The following PEX1 variants were observed in gnomAD, a reference collection of about 807,000 sequenced individuals.
PEX1 encodes the protein peroxisomal ATPase PEX1.
Under a neutral mutation model 152.5 loss-of-function variants are expected in PEX1, and 97 were observed. That is an observed-to-expected ratio of 0.64 (90% CI 0.54 to 0.75). The LOEUF (loss-of-function observed/expected upper bound fraction) is 0.75, where lower values mean the gene tolerates loss of function less well. Among genes scored for constraint, PEX1 ranks in the 30% least tolerant of loss-of-function variants. The probability of loss-of-function intolerance (pLI) is 0.00; values close to 1 mark genes in which losing one functional copy is unlikely to be tolerated. For missense variants in PEX1, 1,357 were observed against 1,516.3 expected (o/e 0.89, Z 1.74); for synonymous variants, 485 against 531.6 (o/e 0.91, Z 1.21).
In PEX1 at chr7:92,521,890, G is replaced by C. The variant is rs558825921; in HGVS notation, c.273+212C>G. 2.0e-5 allele frequency among the ~76,000 whole-genome samples: 3 copies of C among 152,204 alleles called. No homozygotes were observed. The South Asian group carries it at 6.2e-4, about 32-fold the overall frequency. On this transcript the variant is annotated intron_variant, in intron 2 of 23. Coordinates refer to ENST00000248633, the MANE Select transcript of PEX1 (RefSeq NM_000466.3). ...GATGTGGAAAATGAGTTAAATAGTAGAATAAGAAGCAAGTAGGGAGTATGG... is the reference window on the plus strand; with the variant it reads ...GATGTGGAAAATGAGTTAAATAGTACAATAAGAAGCAAGTAGGGAGTATGG...
chr7:92,508,704 T>G (rs762602799), intron 9 of PEX1, among the ~76,000 whole-genome samples: 1 of 152,046 alleles, frequency 6.6e-6, no homozygotes, highest in Non-Finnish European at 1.5e-5. Flanking sequence ...TTCTAAGAGG[T>G]AGTGTTTATA....
Position 92,517,999 on chromosome 7 carries a change from G to A in PEX1, c.516C>T (p.Asp172=), listed in dbSNP as rs776426017. 2.5e-6 allele frequency: 4 copies of A among 1,613,842 alleles called. No individual in the cohort carries two copies. The highest frequency in any genetic ancestry group is 8.5e-7 in the Non-Finnish European group (1 of 1,179,982). The change falls in exon 5 of 24, where the codon GAC becomes GAT. Residue 172 remains aspartate (D), a synonymous_variant. Transcript: ENST00000248633. ...PAASYGRLET[D]TKLLIQPKTR... is the part of the protein sequence containing the mutation. ...TCTTTGGCTGAATAAGGAGTTTGGT[G>A]TCAGTTTCCAGCCTTCCATAAGAGG...
chr7:92,497,709 A>G (rs1297378592), intron 16 of PEX1, among the ~76,000 whole-genome samples: 1 of 151,704 alleles, frequency 6.6e-6, no homozygotes, highest in Non-Finnish European at 1.5e-5. Flanking sequence ...CTATTAACAT[A>G]ATAATATTTA....
rs186328689 is a variant in PEX1, at chr7:92,527,987, A to T, written c.129+320T>A. On this transcript the variant is annotated intron_variant, in intron 1 of 23. Transcript: ENST00000248633. ...ATGGCTGGCAAGGAAAACACCTTTT[A>T]AAATAATAAAAACAAACCACTTCTC... Among the ~76,000 whole-genome samples the T allele has an allele frequency of 1.5e-3, 223 of 152,386 alleles. 1 individual carries two copies. Among genetic ancestry groups the T allele is most frequent in the African/African-American group, 5.0e-3 (208 of 41,598 alleles).
chr7:92,517,342 A>C lies in PEX1; in HGVS notation c.1173T>G (p.Leu391=). The C allele has an allele frequency of 1.2e-6, 2 of 1,613,704 alleles. No individual in the cohort carries two copies. Among genetic ancestry groups the C allele is most frequent in the Non-Finnish European group, 1.7e-6 (2 of 1,179,732 alleles). Residue 391 remains leucine (L), a synonymous_variant, in exon 5 of 24, where the codon CTT becomes CTG. Coordinates refer to ENST00000248633, the MANE Select transcript of PEX1 (RefSeq NM_000466.3). Reference sequence around the variant, plus strand: ...ATTTGATGGCATTGTTCAATTCTTCAAGTCCATTCCAGACTACTTGTAGCA... The same window carrying C: ...ATTTGATGGCATTGTTCAATTCTTCCAGTCCATTCCAGACTACTTGTAGCA... ...ACVLQVVWNG[L]EELNNAIKYT...
intron 23 of PEX1, 73 bp from the exon 24 acceptor site, chr7:92,487,614 C>A: frequency 4.7e-6 from 3 of 644,794 alleles, no homozygotes; most frequent in South Asian, 2.2e-5. Context: ...GGATTGTTGG[C>A]AAACACAATT....
intron 17 of PEX1, among the ~76,000 whole-genome samples, chr7:92,495,647 C>T (rs971272509): frequency 6.6e-6 from 1 of 151,972 alleles, no homozygotes; most frequent in East Asian, 1.9e-4. Context: ...ATATCTTTAG[C>T]GATGTTTCCC....
intron 5 of PEX1, among the ~76,000 whole-genome samples, chr7:92,514,445 G>A (rs1792627646): frequency 6.6e-6 from 1 of 152,090 alleles, no homozygotes; most frequent in Non-Finnish European, 1.5e-5. Flanking sequence ...TTAAATGTAT[G>A]TATTTGACTG....
Position 92,528,439 on chromosome 7 carries a change from C to A in PEX1, c.-4G>T. ...CCAGGCGATCGCTGCCCCACATCGT[C>A]CCGGAGCGTCGCTCTGGGTTCGCCC... is the stretch of plus-strand genomic sequence containing the variant. On this transcript the variant is annotated 5_prime_UTR_variant, in exon 1 of 24. Transcript: ENST00000248633. 6.3e-7 allele frequency: 1 copy of A among 1,582,072 alleles called. No homozygotes were observed. Among genetic ancestry groups the A allele is most frequent in the Non-Finnish European group, 8.6e-7 (1 of 1,165,790 alleles).
At chr7:92,508,669 C>G (rs1257237537) in intron 9 of PEX1, among the ~76,000 whole-genome samples, 1 of 152,144 alleles carries the variant, frequency 6.6e-6, no homozygotes, top group Non-Finnish European at 1.5e-5. Context: ...CCTACTACTA[C>G]ATCTACCAAA....
intron 1 of PEX1, 50 bp from the exon 2 acceptor site, chr7:92,522,295 T>G: frequency 6.4e-7 from 1 of 1,556,860 alleles, no homozygotes; most frequent in Non-Finnish European, 8.8e-7. Flanking sequence ...TACATTTTTC[T>G]GGATTCACAT....
In PEX1 at chr7:92,496,895, A is replaced by G. The variant is rs1791679114; in HGVS notation, c.2719-118T>C. 3 of 719,516 alleles carry G rather than the reference A, an allele frequency of 4.2e-6. No individual in the cohort carries two copies. The Admixed American group carries it at 6.3e-5, about 15-fold the overall frequency. 44.6% of individuals were successfully genotyped at this position (719,516 alleles called of 1,614,324 possible). ...TAATATGATTAAATGGATGTCTTTT[A>G]TACATTTTTAAAATTAATGTGTGCT... is the stretch of plus-strand genomic sequence containing the variant. On this transcript the variant is annotated intron_variant, in intron 16 of 23. Coordinates refer to ENST00000248633, the MANE Select transcript of PEX1 (RefSeq NM_000466.3).
chr7:92,501,532 A>G lies in PEX1; in HGVS notation c.2558T>C (p.Met853Thr), dbSNP rs143283146. The G allele has an allele frequency of 2.1e-4, 345 of 1,613,756 alleles. 1 individual carries two copies. Among genetic ancestry groups the G allele is most frequent in the Non-Finnish European group, 2.8e-4 (334 of 1,179,818 alleles). The change falls in exon 15 of 24, where the codon ATG (methionine) becomes ACG (threonine). Residue 853 changes from methionine to threonine, a missense_variant. Coordinates refer to ENST00000248633, the MANE Select transcript of PEX1 (RefSeq NM_000466.3). Reference sequence around the variant, plus strand: ...CTTGGCAGGTAACTGGATAGTATCCATGAGTATCTGCCTAACTTCATGTAA... The same window carrying G: ...CTTGGCAGGTAACTGGATAGTATCCGTGAGTATCTGCCTAACTTCATGTAA... ...GGLHEVRQILMDTIQLPAKYP... is the reference protein window; with the variant it reads ...GGLHEVRQILTDTIQLPAKYP...
intron 21 of PEX1, 56 bp from the exon 22 acceptor site, chr7:92,489,967 T>A: frequency 1.5e-6 from 2 of 1,299,126 alleles, no homozygotes; most frequent in Non-Finnish European, 2.2e-6. Context: ...GAGAAAAAAC[T>A]ATGTGTTTAC....
chr7:92,506,029 T>C (rs1347743911), intron 11 of PEX1, among the ~76,000 whole-genome samples: 1 of 151,928 alleles, frequency 6.6e-6, no homozygotes, highest in African/African-American at 2.4e-5. Context: ...CTACAAAAAG[T>C]TCTGGCTAGA....
chr7:92,517,561 G>T lies in PEX1; in HGVS notation c.954C>A (p.Asp318Glu). 6.2e-7 allele frequency: 1 copy of T among 1,613,980 alleles called. No individual in the cohort carries two copies. The highest frequency in any genetic ancestry group is 8.5e-7 in the Non-Finnish European group (1 of 1,179,996). Residue 318 changes from aspartate (D) to glutamate (E), a missense_variant, in exon 5 of 24, where the codon GAC becomes GAA. By Grantham distance (45) the Asp-to-Glu change is conservative. Transcript: ENST00000248633. Reference sequence around the variant, plus strand: ...TGGGCTCTACATCAAAATATTCCTGGTCCCATGGAAATACATGAATGGCAC... The same window carrying T: ...TGGGCTCTACATCAAAATATTCCTGTTCCCATGGAAATACATGAATGGCAC... ...KHCAIHVFPW[D>E]QEYFDVEPSF...
At position 92,488,595 on chromosome 7, in the gene PEX1, C is replaced by A. The variant is rs1490742617; in HGVS notation, c.3767+698G>T. 2.6e-5 allele frequency among the ~76,000 whole-genome samples: 4 copies of A among 152,004 alleles called. No individual in the cohort carries two copies. The South Asian group carries it at 8.3e-4, about 31-fold the overall frequency. On this transcript the variant is annotated intron_variant, in intron 23 of 23. Transcript: ENST00000248633. ...ATAAATCTGAATGTATTTAAATGTTCTTGAGGTCAATAAAATATTAATATA... is the reference window on the plus strand; with the variant it reads ...ATAAATCTGAATGTATTTAAATGTTATTGAGGTCAATAAAATATTAATATA...
chr7:92,512,432 C>G (rs112127649), intron 6 of PEX1, among the ~76,000 whole-genome samples: 4,116 of 152,366 alleles, frequency 0.027, 95 homozygotes, highest in Non-Finnish European at 0.041. Context: ...GATCCTCCCA[C>G]TTCAGTCAGC....
chr7:92,527,516 G>A (rs1793335232), intron 1 of PEX1, among the ~76,000 whole-genome samples: 3 of 152,196 alleles, frequency 2.0e-5, no homozygotes, highest in Admixed American at 6.5e-5. Flanking sequence ...GGAAAGAAGG[G>A]ATGCTTGAAA....
Sources: gnomAD v4.1 joint callset for allele counts (sites outside exome capture counted in the v4.1 genomes callset) on GRCh38, gnomAD v4.1.1 for gene constraint, MANE v1.5 for transcripts, NCBI Gene and HGNC (gene_info 2026-07-23, HGNC 2026-07-21) for gene names.